ARL8B: variants seen among roughly 807,000 people sequenced by gnomAD.
The protein encoded by ARL8B is ADP-ribosylation factor-like protein 8B.
ARL8B carries 9 observed loss-of-function variants against 30.6 expected under a neutral mutation model. The observed-to-expected ratio is 0.29, with a 90% CI of 0.18 to 0.51. ARL8B has a LOEUF of 0.51. Among genes scored for constraint, ARL8B ranks in the 20% least tolerant of loss-of-function variants. The pLI, the probability that ARL8B is intolerant of heterozygous loss-of-function variation, is 0.97. For synonymous variants in ARL8B, 74 were observed against 76.0 expected, an observed-to-expected ratio of 0.97 and a Z score of 0.14; for missense variants, 130 against 227.2, an observed-to-expected ratio of 0.57 and a Z score of 2.75.
chr3:5,172,777 A>G, intron 4 of ARL8B, 37 bp downstream of exon 4: 2 of 1,180,018 alleles, frequency 1.7e-6, no homozygotes, highest in Non-Finnish European at 1.2e-6. Context: ...CATTGTAATT[A>G]TATAATGATA....
chr3:5,135,299 A>ATT (rs58186772), intron 1 of ARL8B, among the ~76,000 whole-genome samples: 12 of 149,988 alleles, frequency 8.0e-5, no homozygotes, highest in African/African-American at 1.2e-4. Context: ...TTATTTATTT[A>ATT]TTTTTTTTTG....
At chr3:5,150,003 A>G (rs1027751403) in intron 1 of ARL8B, among the ~76,000 whole-genome samples, 1 of 152,168 alleles carries the variant, frequency 6.6e-6, no homozygotes, top group Non-Finnish European at 1.5e-5. Flanking sequence ...GCTGTTAAGT[A>G]TCTTATATCA....
intron 6 of ARL8B, among the ~76,000 whole-genome samples, chr3:5,177,985 TG>T (rs1249241957): frequency 6.6e-6 from 1 of 152,212 alleles, no homozygotes; most frequent in Non-Finnish European, 1.5e-5. Flanking sequence ...GCTGGGAAAC[TG>T]GTAGTGAATT....
chr3:5,149,291 G>A (rs562723722), intron 1 of ARL8B, among the ~76,000 whole-genome samples: 34 of 152,326 alleles, frequency 2.2e-4, no homozygotes, highest in African/African-American at 5.3e-4. Context: ...GGCCTCTGCC[G>A]GGTGCTGGAA....
In ARL8B at chr3:5,168,259, G is replaced by C. The variant is rs1320422669; in HGVS notation, c.124-2244G>C. Among the ~76,000 whole-genome samples the C allele has an allele frequency of 5.3e-5, 8 of 152,274 alleles. No homozygotes were observed. The East Asian group carries it at 1.5e-3, about 29-fold the overall frequency. ...TGGCTAATTTTTGTATTTGTAGAGA[G>C]AAGGTTTTGCCGTGTCACCCAGGCT... is the stretch of plus-strand genomic sequence containing the variant. On this transcript the variant is annotated intron_variant, in intron 1 of 6. Coordinates refer to ENST00000256496, the MANE Select transcript of ARL8B (RefSeq NM_018184.3).
At position 5,137,720 on chromosome 3, in the gene ARL8B, G is replaced by A. The variant is rs143215857; in HGVS notation, c.123+15132G>A. Among the ~76,000 whole-genome samples, 374 of 152,174 alleles carry A rather than the reference G, an allele frequency of 2.5e-3. 1 individual carries two copies. The highest frequency in any genetic ancestry group is 8.6e-3 in the African/African-American group (357 of 41,540). On this transcript the variant is annotated intron_variant, in intron 1 of 6. Transcript: ENST00000256496. ...CCCAAAGTGTTGGGATTACAGGCGT[G>A]AGCCACCATGCCCAGCCCTTTTTTT...
intron 1 of ARL8B, among the ~76,000 whole-genome samples, chr3:5,140,165 C>T (rs953652244): frequency 4.6e-5 from 7 of 151,998 alleles, no homozygotes; most frequent in African/African-American, 1.7e-4. Flanking sequence ...TCTTAGGGAA[C>T]AAAGTCTTCT....
chr3:5,142,527 C>T lies in ARL8B; in HGVS notation c.123+19939C>T, dbSNP rs545256590. Among the ~76,000 whole-genome samples the T allele has an allele frequency of 2.0e-4, 31 of 152,280 alleles. 2 individuals carry two copies. The East Asian group carries it at 2.7e-3, about 13-fold the overall frequency. ...GAACCACCTGTGCCTGAGGTCCTCC[C>T]GTAGCACACGCATAGCAGTCACTCT... is the stretch of plus-strand genomic sequence containing the variant. On this transcript the variant is annotated intron_variant, in intron 1 of 6. Coordinates refer to ENST00000256496, the MANE Select transcript of ARL8B (RefSeq NM_018184.3).
intron 1 of ARL8B, among the ~76,000 whole-genome samples, chr3:5,131,830 C>T (rs190720212): frequency 6.6e-6 from 1 of 152,102 alleles, no homozygotes; most frequent in East Asian, 1.9e-4. Context: ...TTCAGAGTTC[C>T]GGTAATTTCA....
rs565203041 is a variant in ARL8B at position 5,155,688 on chromosome 3, C to G, written c.124-14815C>G. Reference sequence around the variant, plus strand: ...CCGTGCCCCCCCACCCCCGCCTGGTCAAATCAGCCTTCGTGTTCCTCTAGT... The same window carrying G: ...CCGTGCCCCCCCACCCCCGCCTGGTGAAATCAGCCTTCGTGTTCCTCTAGT... On this transcript the variant is annotated intron_variant, in intron 1 of 6. Transcript: ENST00000256496. Among the ~76,000 whole-genome samples, 13 of 135,526 alleles carry G rather than the reference C, an allele frequency of 9.6e-5. No individual in the cohort carries two copies. In the East Asian group the frequency reaches 3.2e-3, roughly 34 times the overall value. The allele number at this position is 135,526 out of a possible 152,430, so 88.9% of individuals were successfully genotyped here. A position where few individuals can be genotyped will look rare whatever the true frequency, so the allele number is the denominator to read the frequency against.
intron 1 of ARL8B, chr3:5,128,344 C>T (rs979020088): frequency 2.2e-5 from 8 of 368,326 alleles, no homozygotes; most frequent in Non-Finnish European, 4.3e-5. Context: ...ATAAGGTGGT[C>T]TTCAAGTATA....
chr3:5,169,442 A>G (rs541137280), intron 1 of ARL8B, among the ~76,000 whole-genome samples: 1 of 151,762 alleles, frequency 6.6e-6, no homozygotes, highest in African/African-American at 2.4e-5. Flanking sequence ...TGATAATTCT[A>G]TTTTTAGGTT....
In ARL8B at chr3:5,156,251, AT is replaced by A. The variant is rs202031948; in HGVS notation, c.124-14244del. Among the ~76,000 whole-genome samples, 878 of 151,612 alleles carry A rather than the reference AT, an allele frequency of 5.8e-3. 13 individuals are homozygous for A. The highest frequency in any genetic ancestry group is 0.02 in the African/African-American group (816 of 41,350). On this transcript the variant is annotated intron_variant, in intron 1 of 6. Coordinates refer to ENST00000256496, the MANE Select transcript of ARL8B (RefSeq NM_018184.3). ...CCTCAGGGTCAGTTTCTGTTGGTTA[AT>A]TTTTTTTCCTTTGAATGGACCATAC...
chr3:5,133,897 T>C (rs1187480880), intron 1 of ARL8B, among the ~76,000 whole-genome samples: 2 of 152,176 alleles, frequency 1.3e-5, no homozygotes, highest in Admixed American at 1.3e-4. Flanking sequence ...ATGGTGCCAC[T>C]GCATTCCAGC....
intron 6 of ARL8B, among the ~76,000 whole-genome samples, chr3:5,177,801 C>T (rs111912285): frequency 0.014 from 2,109 of 152,256 alleles, 51 homozygotes; most frequent in African/African-American, 0.048. Context: ...TCAGATTTAC[C>T]TTTCTCCCAT....
At chr3:5,159,164 G>A (rs1269766840) in intron 1 of ARL8B, among the ~76,000 whole-genome samples, 11 of 152,048 alleles carry the variant, frequency 7.2e-5, no homozygotes, top group African/African-American at 2.2e-4. Flanking sequence ...GCCAGACGTG[G>A]TAGTGTGTGC....
chr3:5,156,428 G>A lies in ARL8B; in HGVS notation c.124-14075G>A, dbSNP rs548112461. Among the ~76,000 whole-genome samples the A allele has an allele frequency of 2.9e-5, 4 of 137,700 alleles. No individual in the cohort carries two copies. In the East Asian group the frequency reaches 8.8e-4, roughly 30 times the overall value. 90.3% of individuals were successfully genotyped at this position (137,700 alleles called of 152,430 possible). On this transcript the variant is annotated intron_variant, in intron 1 of 6. Transcript: ENST00000256496. ...TTCAGTTGTTCGTTTGTTTGGTTTT[G>A]TTTTTTGAGACGGAGTCTCACATTG...
At chr3:5,174,656 A>G (rs1284919778) in intron 6 of ARL8B, among the ~76,000 whole-genome samples, 1 of 140,846 alleles carries the variant, frequency 7.1e-6, no homozygotes, top group East Asian at 2.0e-4. Context: ...ACAAATATAT[A>G]TATAATATAA....
Position 5,170,532 on chromosome 3 carries a change from C to T in ARL8B, c.153C>T (p.Pro51=). The change falls in exon 2 of 7, where the codon CCC becomes CCT. Residue 51 remains proline (P), a synonymous_variant. Transcript: ENST00000256496. The part of the protein sequence containing the change: ...ASGQFSEDMI[P]TVGFNMRKVT... Reference sequence around the variant, plus strand: ...GTCAATTCAGTGAAGATATGATACCCACAGTGGGCTTCAACATGAGGAAGG... The same window carrying T: ...GTCAATTCAGTGAAGATATGATACCTACAGTGGGCTTCAACATGAGGAAGG... The T allele has an allele frequency of 6.2e-7, 1 of 1,612,954 alleles. No individual in the cohort carries two copies. Among genetic ancestry groups the T allele is most frequent in the Non-Finnish European group, 8.5e-7 (1 of 1,179,450 alleles).
Sources: allele counts gnomAD v4.1 joint callset (sites outside exome capture counted in the v4.1 genomes callset), GRCh38; gene constraint gnomAD v4.1.1; transcripts MANE v1.5; gene names NCBI Gene and HGNC (gene_info 2026-07-23, HGNC 2026-07-21).